MAX: variants seen among roughly 807,000 people sequenced by gnomAD.
MAX encodes the protein protein max.
In MAX, 3 loss-of-function variants were observed where a neutral mutation model predicts 22.3. The ratio of observed to expected loss-of-function variants is 0.13; its 90% CI spans 0.06 to 0.35. The LOEUF (loss-of-function observed/expected upper bound fraction) is 0.35. MAX is among the 10% of genes least tolerant of loss of function. The pLI is 1.00. For synonymous variants in MAX, 72 were observed against 77.7 expected (o/e 0.93, Z 0.39); for missense variants, 119 against 209.4 (o/e 0.57, Z 2.66).
intron 3 of MAX, among the ~76,000 whole-genome samples, chr14:65,056,074 T>C (rs2062730009): frequency 2.6e-5 from 4 of 152,236 alleles, no homozygotes. Context: ...TATTGCTACA[T>C]ACATATGTAT....
intron 3 of MAX, among the ~76,000 whole-genome samples, chr14:65,037,264 C>T (rs1424431761): frequency 1.3e-5 from 2 of 150,656 alleles, no homozygotes; most frequent in Non-Finnish European, 3.0e-5. Context: ...CGACCACGCC[C>T]AGCTAATTTT....
At position 65,102,294 on chromosome 14, in the gene MAX, C is replaced by T. The variant is rs1421908769; in HGVS notation, c.36+10G>A. 1 of 1,613,722 alleles carries T rather than the reference C, an allele frequency of 6.2e-7. No homozygotes were observed. The highest frequency in any genetic ancestry group is 1.1e-5 in the South Asian group (1 of 91,038). On this transcript the variant is annotated intron_variant, in intron 1 of 4. Transcript: ENST00000358664. ...AACCCGCACGGGAAGGAAGAAGCCC[C>T]AGGACTCACGTCGCTCTCCACCTCG...
At chr14:65,091,115 A>C (rs2063494573) in intron 3 of MAX, among the ~76,000 whole-genome samples, 1 of 152,134 alleles carries the variant, frequency 6.6e-6, no homozygotes, top group Non-Finnish European at 1.5e-5. Context: ...CAAAACTCAC[A>C]TGGTAAAATA....
At chr14:65,041,598 C>G (rs2062355260) in intron 3 of MAX, among the ~76,000 whole-genome samples, 1 of 152,222 alleles carries the variant, frequency 6.6e-6, no homozygotes, top group African/African-American at 2.4e-5. Context: ...AACTGACATG[C>G]ACCTCCTCTC....
chr14:65,072,677 A>T (rs1032936595), downstream of MAX, among the ~76,000 whole-genome samples: 1 of 152,196 alleles, frequency 6.6e-6, no homozygotes, highest in African/African-American at 2.4e-5. Flanking sequence ...TGATCCAAGG[A>T]TCCCACTTTG....
intron 3 of MAX, among the ~76,000 whole-genome samples, chr14:65,089,077 C>A (rs1169505300): frequency 1.3e-5 from 2 of 152,190 alleles, no homozygotes; most frequent in African/African-American, 2.4e-5. Context: ...CAGAGCAAGA[C>A]CCTCAAGGGT....
rs2062891628 is a variant in MAX, at chr14:65,062,962, CCA to C, written c.171+30744_171+30745del. 6.6e-6 allele frequency among the ~76,000 whole-genome samples: 1 copy of C among 152,194 alleles called. No individual in the cohort carries two copies. The highest frequency in any genetic ancestry group is 6.5e-5 in the Admixed American group (1 of 15,288). On this transcript the variant is annotated intron_variant, in intron 3 of 3. Transcript: ENST00000341653. This position sits in a 1 kb window ranked among gnomAD's most constrained non-coding sequence, Gnocchi z 4.3. The stretch of plus-strand genomic sequence containing the variant: ...ACAGCAAGGACTGGGCCTAGTAGCC[CCA>C]GAGCAGGCTGACTTAGCAAGGGTGG...
chr14:65,007,950 G>A lies in MAX; in HGVS notation c.172-1666C>T, dbSNP rs1293035079. ...AGTGCTGACAATGGCTCTGAAGCCA[G>A]AATACTCTGAGTTAAAGTCCTCAAA... On this transcript the variant is annotated intron_variant, in intron 3 of 3. Transcript: ENST00000341653. This position sits in a 1 kb window ranked among gnomAD's most constrained non-coding sequence, Gnocchi z 4.9. Among the ~76,000 whole-genome samples the A allele has an allele frequency of 6.6e-6, 1 of 152,148 alleles. No individual in the cohort carries two copies. The highest frequency in any genetic ancestry group is 2.4e-5 in the African/African-American group (1 of 41,426).
rs1491301096 is a variant in MAX, at chr14:65,031,980, G to GTGTGTGTA, written c.172-25697_172-25696insTACACACA. Among the ~76,000 whole-genome samples the GTGTGTGTA allele has an allele frequency of 3.5e-5, 1 of 28,918 alleles. No homozygotes were observed. The highest frequency in any genetic ancestry group is 2.4e-4 in the African/African-American group (1 of 4,110). The allele number at this position is 28,918 out of a possible 152,430, so 19.0% of individuals were successfully genotyped here. On this transcript the variant is annotated intron_variant, in intron 3 of 3. Transcript: ENST00000341653. This position sits in a 1 kb window ranked among gnomAD's most constrained non-coding sequence, Gnocchi z 4.6. ...TAGACGTGCGCCTTTTTCATTTAACGTGTGTGTGTGTGTGTGTGTGTGTGT... is the reference window on the plus strand; with the variant it reads ...TAGACGTGCGCCTTTTTCATTTAACGTGTGTGTATGTGTGTGTGTGTGTGTGTGTGTGT...
chr14:65,063,335 G>A (rs909602054), intron 3 of MAX, among the ~76,000 whole-genome samples: 1 of 152,208 alleles, frequency 6.6e-6, no homozygotes, highest in African/African-American at 2.4e-5. Flanking sequence ...TCAAGGTATT[G>A]TGAGATTAAT....
At chr14:65,045,602 G>A (rs2062460349) in intron 3 of MAX, among the ~76,000 whole-genome samples, 1 of 152,144 alleles carries the variant, frequency 6.6e-6, no homozygotes, top group Non-Finnish European at 1.5e-5. Flanking sequence ...TTTTAGTAGA[G>A]ACAGGGTTTC....
chr14:65,049,230 G>C (rs1328319892), intron 3 of MAX, among the ~76,000 whole-genome samples: 7 of 151,998 alleles, frequency 4.6e-5, no homozygotes, highest in Admixed American at 4.6e-4. Context: ...AGGCCTGTGA[G>C]TTTCCACTTG....
chr14:65,037,402 CCTTTTTTTTTTTTTTTTTTTTTTTTT>C (rs1333786349), intron 3 of MAX, among the ~76,000 whole-genome samples: 293 of 14,540 alleles, frequency 0.02, 29 homozygotes, highest in Non-Finnish European at 0.033. Context: ...CACGCCGGGC[CCTTTTTTTTTTTTTTTTTTTTTTTTT>C]TTTTTTTTTT....
At chr14:65,063,763 C>T (rs1298761128) in intron 3 of MAX, among the ~76,000 whole-genome samples, 1 of 152,128 alleles carries the variant, frequency 6.6e-6, no homozygotes, top group African/African-American at 2.4e-5. Context: ...TGGGGTTTCA[C>T]CACGTTGCCC....
Position 65,027,927 on chromosome 14 carries a change from A to T in MAX, c.172-21643T>A. 2.0e-6 allele frequency: 2 copies of T among 1,003,746 alleles called. No homozygotes were observed. Among genetic ancestry groups the T allele is most frequent in the Non-Finnish European group, 3.0e-6 (2 of 675,720 alleles). The allele number at this position is 1,003,746 out of a possible 1,614,324, so 62.2% of individuals were successfully genotyped here. On this transcript the variant is annotated intron_variant, in intron 3 of 3. Transcript: ENST00000341653. This position sits in a 1 kb window ranked among gnomAD's most constrained non-coding sequence, Gnocchi z 5.7. ...GGATGACATGTCAGTGACACGTCAG[A>T]ATCATTCAGATGTGATGCAGATGTC...
chr14:65,079,538 C>T lies in MAX; in HGVS notation c.172-1502G>A, dbSNP rs1181001391. On this transcript the variant is annotated intron_variant, in intron 3 of 4. Coordinates refer to ENST00000358664, the MANE Select transcript of MAX (RefSeq NM_002382.5). The surrounding 1 kb of genome is among the most constrained non-coding windows in gnomAD (Gnocchi z 4.5). ...TAGAATAGTACAAAGCCAAGCGAAG[C>T]TCAAGGCGGGGTAGCCTAGTAGCTT... Among the ~76,000 whole-genome samples, 1 of 152,252 alleles carries T rather than the reference C, an allele frequency of 6.6e-6. No homozygotes were observed. Among genetic ancestry groups the T allele is most frequent in the African/African-American group, 2.4e-5 (1 of 41,474 alleles).
At chr14:65,034,283 C>T (rs1365858166) in intron 3 of MAX, among the ~76,000 whole-genome samples, 1 of 152,196 alleles carries the variant, frequency 6.6e-6, no homozygotes. Context: ...GCATGAAATT[C>T]ACTTCATTTC....
chr14:65,084,634 A>G lies in MAX; in HGVS notation c.172-6598T>C, dbSNP rs1475991266. Among the ~76,000 whole-genome samples, 1 of 152,180 alleles carries G rather than the reference A, an allele frequency of 6.6e-6. No homozygotes were observed. Among genetic ancestry groups the G allele is most frequent in the South Asian group, 2.1e-4 (1 of 4,832 alleles). ...CTACATATACAGAGATGTCCATATT[A>G]TAATTATAAATTTTAAATTTTAAAA... On this transcript the variant is annotated intron_variant, in intron 3 of 4. Coordinates refer to ENST00000358664, the MANE Select transcript of MAX (RefSeq NM_002382.5). This position sits in a 1 kb window ranked among gnomAD's most constrained non-coding sequence, Gnocchi z 4.3.
chr14:65,040,525 C>T (rs1595075721), intron 3 of MAX, among the ~76,000 whole-genome samples: 2 of 151,486 alleles, frequency 1.3e-5, no homozygotes, highest in East Asian at 1.9e-4. Flanking sequence ...ACTGCAGCCT[C>T]GAACTCCTCG....
Sources: allele counts gnomAD v4.1 joint callset (sites outside exome capture counted in the v4.1 genomes callset), GRCh38; gene constraint gnomAD v4.1.1; non-coding constraint Gnocchi (gnomAD v3.1); transcripts MANE v1.5; gene names NCBI Gene and HGNC (gene_info 2026-07-23, HGNC 2026-07-21).